Variants in ASAH1 observed in about 807,000 individuals in gnomAD.
ASAH1 encodes acid ceramidase.
In ASAH1, 70 loss-of-function variants were observed where a neutral mutation model predicts 59.5. That is an observed-to-expected ratio of 1.18 (90% CI 0.97 to 1.43). The LOEUF is 1.43. Among genes scored for constraint, ASAH1 ranks in the 40% most tolerant of loss-of-function variants. The pLI, the probability that ASAH1 is intolerant of heterozygous loss-of-function variation, is 0.00. For missense variants in ASAH1, 660 were observed against 482.5 expected (o/e 1.37, Z -3.45); for synonymous variants, 213 against 166.5 (o/e 1.28, Z -2.15).
In ASAH1 at chr8:18,067,299, C is replaced by A; in HGVS notation, c.304-1G>T. On this transcript the variant is annotated splice_acceptor_variant, in intron 4 of 13. Transcript: ENST00000637790. LOFTEE classifies it high-confidence loss of function. Reference sequence around the variant, plus strand: ...CAGGAAAGTTGCCAAGTAGGCCAGGCTGGAAAACAAATATATTAATAAAAG... The same window carrying A: ...CAGGAAAGTTGCCAAGTAGGCCAGGATGGAAAACAAATATATTAATAAAAG... 7 of 1,581,636 alleles carry A rather than the reference C, an allele frequency of 4.4e-6. No homozygotes were observed. The highest frequency in any genetic ancestry group is 5.2e-6 in the Non-Finnish European group (6 of 1,163,040).
rs367846261 is a variant in ASAH1 at position 18,076,912 on chromosome 8, G to A, written c.79-1325C>T. Reference sequence around the variant, plus strand: ...TCAAATTTGCCTTACCACACTGTAAGTTTCTCACATATGTCTGGCTTTGTC... The same window carrying A: ...TCAAATTTGCCTTACCACACTGTAAATTTCTCACATATGTCTGGCTTTGTC... On this transcript the variant is annotated intron_variant, in intron 1 of 13. Coordinates refer to ENST00000637790, the MANE Select transcript of ASAH1 (RefSeq NM_177924.5). 5.9e-5 allele frequency among the ~76,000 whole-genome samples: 9 copies of A among 152,356 alleles called. No individual in the cohort carries two copies. In the East Asian group the frequency reaches 9.6e-4, roughly 16 times the overall value.
In ASAH1 at chr8:18,067,134, C is replaced by A. The variant is rs1309334290; in HGVS notation, c.382+86G>T. The A allele has an allele frequency of 7.0e-6, 8 of 1,149,772 alleles. 1 individual carries two copies. Among genetic ancestry groups the A allele is most frequent in the East Asian group, 2.8e-5 (1 of 36,278 alleles). The allele number at this position is 1,149,772 out of a possible 1,614,324, so 71.2% of individuals were successfully genotyped here. ...GCTGTATATCTAAGACATACAGCAC[C>A]TGTGCTGTATGTATATCACACCTCA... On this transcript the variant is annotated intron_variant, in intron 5 of 13. Transcript: ENST00000637790.
rs1289727697 is a variant in ASAH1 at position 18,071,337 on chromosome 8, T to C, written c.179A>G (p.Lys60Arg). 1 of 1,605,280 alleles carries C rather than the reference T, an allele frequency of 6.2e-7. No homozygotes were observed. The highest frequency in any genetic ancestry group is 1.7e-5 in the Admixed American group (1 of 59,598). ...GTCAAGCATCAATTCATGCCATCTT[T>C]TGTAGGGTGGTAAGTCAAGATTTAT... The part of the protein sequence containing the change: ...YTINLDLPPY[K>R]RWHELMLDKA... The change falls in exon 3 of 14, where the codon AAA becomes AGA. Residue 60 changes from lysine to arginine, a missense_variant. Lys to Arg is a conservative substitution (Grantham distance 26, BLOSUM62 2). Transcript: ENST00000637790.
chr8:18,084,279 C>T (rs1006133061), upstream of ASAH1: 51 of 1,439,958 alleles, frequency 3.5e-5, no homozygotes, highest in Non-Finnish European at 4.3e-5. Flanking sequence ...GAGAGCCTTC[C>T]AGGCTACCTG....
In ASAH1 at chr8:18,058,844, G is replaced by C. The variant is rs1484365119; in HGVS notation, c.1089C>G (p.Val363=). ...TMYDVLSTKP[V]LNKLTVYTTL... ...ATAACATTTAAAATACCTTGTTGAG[G>C]ACAGGTTTTGTTGACAGGACATCAT... Residue 363 remains valine (V), a synonymous_variant, in exon 13 of 14, where the codon GTC becomes GTG. Coordinates refer to ENST00000637790, the MANE Select transcript of ASAH1 (RefSeq NM_177924.5). The C allele has an allele frequency of 6.2e-7, 1 of 1,611,300 alleles. No individual in the cohort carries two copies. Among genetic ancestry groups the C allele is most frequent in the African/African-American group, 1.3e-5 (1 of 74,964 alleles).
intron 1 of ASAH1, among the ~76,000 whole-genome samples, chr8:18,079,361 G>A (rs1022889990): frequency 6.7e-6 from 1 of 150,054 alleles, no homozygotes; most frequent in Non-Finnish European, 1.5e-5. Context: ...CTGGTTATTT[G>A]ATAGAAACTT....
chr8:18,062,043 C>T, intron 8 of ASAH1: 2 of 632,220 alleles, frequency 3.2e-6, no homozygotes, highest in Non-Finnish European at 5.4e-6. Flanking sequence ...TTGTGACTCC[C>T]AGCCCTTGAC....
chr8:18,067,140 T>C, intron 5 of ASAH1, 80 bp downstream of exon 5: 2 of 1,143,706 alleles, frequency 1.7e-6, no homozygotes, highest in South Asian at 1.5e-5. Flanking sequence ...GCACCTGTGC[T>C]GTATGTATAT....
chr8:18,062,793 G>C, intron 7 of ASAH1: 1 of 376,060 alleles, frequency 2.7e-6, no homozygotes, highest in Non-Finnish European at 4.9e-6. Context: ...ATCACATTTT[G>C]GGTGTGACTT....
intron 9 of ASAH1, 71 bp downstream of exon 9, chr8:18,061,615 G>A: frequency 6.5e-7 from 1 of 1,529,254 alleles, no homozygotes; most frequent in Non-Finnish European, 9.0e-7. Flanking sequence ...TTTGTAACCA[G>A]AAGGCACAGT....
chr8:18,066,666 G>C (rs1383731904), intron 5 of ASAH1: 1 of 152,326 alleles, frequency 6.6e-6, no homozygotes, highest in African/African-American at 2.4e-5. Context: ...AAACTGTTTG[G>C]CAGAATCTAT....
chr8:18,061,974 G>A, intron 8 of ASAH1: 1 of 623,714 alleles, frequency 1.6e-6, no homozygotes, highest in Non-Finnish European at 2.8e-6. Flanking sequence ...AAACTGAAGG[G>A]CAGAGAATGA....
intron 1 of ASAH1, among the ~76,000 whole-genome samples, chr8:18,082,879 T>C (rs1800714455): frequency 6.6e-6 from 1 of 151,872 alleles, no homozygotes; most frequent in South Asian, 2.1e-4. Flanking sequence ...GTCAAGCAAA[T>C]TAATTCCCTA....
rs1257408201 is a variant in ASAH1 at position 18,056,026 on chromosome 8, A to G, written c.*1508T>C. 6.6e-6 allele frequency: 1 copy of G among 152,226 alleles called. No individual in the cohort carries two copies. Among genetic ancestry groups the G allele is most frequent in the Non-Finnish European group, 1.5e-5 (1 of 68,042 alleles). 9.4% of individuals were successfully genotyped at this position (152,226 alleles called of 1,614,324 possible). A position where few individuals can be genotyped will look rare whatever the true frequency, so the allele number is the denominator to read the frequency against. ...CACCTCTTTACTATCAGGCATATCA[A>G]AGGTTATTACATTAACAAAAAAATA... On this transcript the variant is annotated 3_prime_UTR_variant, in exon 14 of 14. Transcript: ENST00000637790.
In ASAH1 at chr8:18,075,001, C is replaced by CTTTTTTTTTTTTTTTTTTTT. The variant is rs769278694; in HGVS notation, c.125+539_125+540insAAAAAAAAAAAAAAAAAAAA. Among the ~76,000 whole-genome samples the CTTTTTTTTTTTTTTTTTTTT allele has an allele frequency of 1.1e-3, 166 of 148,510 alleles. 4 individuals carry two copies. The highest frequency in any genetic ancestry group is 1.7e-3 in the South Asian group (8 of 4,634). The stretch of plus-strand genomic sequence containing the variant: ...ATTGAGTGGAGAATGAAAATCCTTT[C>CTTTTTTTTTTTTTTTTTTTT]CTTTTTTTTTTTGAGACAGAGTCTC... On this transcript the variant is annotated intron_variant, in intron 2 of 13. Transcript: ENST00000637790.
chr8:18,075,582 T>C lies in ASAH1; in HGVS notation c.84A>G (p.Thr28=). 1 of 1,614,140 alleles carries C rather than the reference T, an allele frequency of 6.2e-7. No homozygotes were observed. ...GATAGGTTGATTTTCTGCAGTCCTC[T>C]GTCCACTGAAAAGCAAAGAAAATTA... The part of the protein sequence containing the change: ...CAVAQHAPPW[T]EDCRKSTYPP... The change falls in exon 2 of 14, where the codon ACA becomes ACG. Residue 28 remains threonine (T), a synonymous_variant. Coordinates refer to ENST00000637790, the MANE Select transcript of ASAH1 (RefSeq NM_177924.5).
chr8:18,062,018 G>A (rs2079737380), intron 8 of ASAH1: 11 of 618,782 alleles, frequency 1.8e-5, no homozygotes, highest in Non-Finnish European at 2.8e-5. Flanking sequence ...GGAAGACCCA[G>A]GACTAGAAAT....
chr8:18,061,810 A>G (rs1799714366), intron 8 of ASAH1, 70 bp from the exon 9 acceptor site: 1 of 1,390,478 alleles, frequency 7.2e-7, no homozygotes, highest in African/African-American at 1.4e-5. Context: ...CGCTCACTGT[A>G]CTTCAGAGTG....
chr8:18,059,310 T>C (rs1456417488), intron 12 of ASAH1, 31 bp downstream of exon 12: 1 of 1,613,946 alleles, frequency 6.2e-7, no homozygotes, highest in African/African-American at 1.3e-5. Flanking sequence ...ATGGCAACAG[T>C]TTCTTTCTAT....
Sources: gnomAD v4.1 joint callset for allele counts (sites outside exome capture counted in the v4.1 genomes callset) on GRCh38, gnomAD v4.1.1 for gene constraint, MANE v1.5 for transcripts, NCBI Gene and HGNC (gene_info 2026-07-23, HGNC 2026-07-21) for gene names.